Variants in GSK3B observed in about 807,000 individuals in gnomAD.
GSK3B encodes the protein glycogen synthase kinase 3 beta.
A neutral mutation model predicts 56.4 loss-of-function variants in GSK3B; 15 were observed. That is an observed-to-expected ratio of 0.27 (90% CI 0.18 to 0.41). The LOEUF is 0.41. Among genes scored for constraint, GSK3B ranks in the 10% least tolerant of loss-of-function variants. The pLI is 1.00. For synonymous variants in GSK3B, 181 were observed against 188.9 expected, an observed-to-expected ratio of 0.96 and a Z score of 0.34; for missense variants, 300 against 513.4, an observed-to-expected ratio of 0.58 and a Z score of 4.02.
In GSK3B at chr3:120,040,278, G is replaced by A. The variant is rs547484361; in HGVS notation, c.89-38039C>T. Among the ~76,000 whole-genome samples, 11 of 152,326 alleles carry A rather than the reference G, an allele frequency of 7.2e-5. No individual in the cohort carries two copies. The South Asian group carries it at 2.1e-3, about 29-fold the overall frequency. ...GTGAGTGGGTCCTATCGGCAGTTCC[G>A]TGGTCACCTCATACAGCTTAGGGCG... On this transcript the variant is annotated intron_variant, in intron 1 of 10. Transcript: ENST00000264235.
intron 1 of GSK3B, among the ~76,000 whole-genome samples, chr3:120,025,376 T>C (rs1044892014): frequency 1.3e-4 from 19 of 151,708 alleles, no homozygotes; most frequent in African/African-American, 4.6e-4. Flanking sequence ...ACATCAGAGA[T>C]CTAATAAACT....
At position 119,931,399 on chromosome 3, in the gene GSK3B, T is replaced by G. The variant is rs548828700; in HGVS notation, c.367-7916A>C. ...GGGAGGCCGAAGTGGGTGGATCTCT[T>G]GAGCCCGGAAGTTTAACACCAGCCT... On this transcript the variant is annotated intron_variant, in intron 3 of 10. Coordinates refer to ENST00000264235, the MANE Select transcript of GSK3B (RefSeq NM_001146156.2). 7.8e-4 allele frequency among the ~76,000 whole-genome samples: 119 copies of G among 152,280 alleles called. 1 individual carries two copies. Among genetic ancestry groups the G allele is most frequent in the Middle Eastern group, 3.4e-3 (1 of 294 alleles).
chr3:119,993,694 T>C (rs895194633), intron 2 of GSK3B, among the ~76,000 whole-genome samples: 10 of 152,090 alleles, frequency 6.6e-5, no homozygotes, highest in Admixed American at 6.5e-4. Context: ...AATATAGAAA[T>C]AAAGAAGGCT....
chr3:120,092,830 G>C (rs1413368438), intron 1 of GSK3B, among the ~76,000 whole-genome samples: 1 of 152,128 alleles, frequency 6.6e-6, no homozygotes, highest in Non-Finnish European at 1.5e-5. Flanking sequence ...CAAATATTAT[G>C]TGTAGTCATA....
In GSK3B at chr3:119,821,809, T is replaced by C. The variant is rs1252924230; in HGVS notation, c.*4979A>G. ...TCATTGGAAAGAACAAGAAGTGGTA[T>C]TGATATCTTGTTCTGTATAACAAAG... is the stretch of plus-strand genomic sequence containing the variant. On this transcript the variant is annotated 3_prime_UTR_variant, in exon 11 of 11. Transcript: ENST00000264235. 3.0e-5 allele frequency: 5 copies of C among 166,152 alleles called. No individual in the cohort carries two copies. Among genetic ancestry groups the C allele is most frequent in the Admixed American group, 1.9e-4 (3 of 15,618 alleles). The allele number at this position is 166,152 out of a possible 1,614,324, so 10.3% of individuals were successfully genotyped here.
intron 1 of GSK3B, among the ~76,000 whole-genome samples, chr3:120,055,443 T>C (rs1338021796): frequency 6.6e-6 from 1 of 152,178 alleles, no homozygotes; most frequent in Non-Finnish European, 1.5e-5. Context: ...CGACAAAATA[T>C]TCTTTTTTGG....
intron 6 of GSK3B, among the ~76,000 whole-genome samples, chr3:119,911,610 T>G (rs914770992): frequency 7.9e-5 from 12 of 152,204 alleles, no homozygotes; most frequent in African/African-American, 2.7e-4. Flanking sequence ...AGAAGGCTAT[T>G]TGGTCTCCAT....
intron 1 of GSK3B, among the ~76,000 whole-genome samples, chr3:120,043,131 A>T (rs2058076544): frequency 6.6e-6 from 1 of 152,164 alleles, no homozygotes. Context: ...TCACGTCCTC[A>T]TCAAGGAGGA....
chr3:120,081,026 T>C (rs1313155465), intron 1 of GSK3B, among the ~76,000 whole-genome samples: 1 of 152,112 alleles, frequency 6.6e-6, no homozygotes, highest in Admixed American at 6.6e-5. Context: ...TCTTCAGTCC[T>C]TACCCACTCC....
At chr3:119,832,601 A>G (rs2055620633) in intron 10 of GSK3B, among the ~76,000 whole-genome samples, 1 of 152,250 alleles carries the variant, frequency 6.6e-6, no homozygotes, top group South Asian at 2.1e-4. Context: ...GTGTGCTTCT[A>G]AGAAACTGTA....
At chr3:120,011,871 T>C (rs2057781341) in intron 1 of GSK3B, among the ~76,000 whole-genome samples, 1 of 152,324 alleles carries the variant, frequency 6.6e-6, no homozygotes, top group South Asian at 2.1e-4. Context: ...AATAGATTAA[T>C]TTATCATAAA....
intron 1 of GSK3B, among the ~76,000 whole-genome samples, chr3:120,009,907 C>T (rs933464291): frequency 6.6e-6 from 1 of 152,024 alleles, no homozygotes; most frequent in Non-Finnish European, 1.5e-5. Flanking sequence ...CATAAGATAG[C>T]CAGGTGAAAT....
At chr3:119,930,079 CT>C (rs1438450742) in intron 3 of GSK3B, among the ~76,000 whole-genome samples, 2 of 57,596 alleles carry the variant, frequency 3.5e-5, no homozygotes, top group African/African-American at 1.4e-4. Context: ...ATTCTGTCTC[CT>C]ACACACACAC....
intron 8 of GSK3B, among the ~76,000 whole-genome samples, chr3:119,871,533 G>A (rs558408765): frequency 5.6e-4 from 86 of 152,214 alleles, no homozygotes; most frequent in African/African-American, 1.6e-3. Context: ...TAATTTGGTA[G>A]GTACTATAGG....
At chr3:119,956,276 G>A (rs1403364164) in intron 2 of GSK3B, among the ~76,000 whole-genome samples, 1 of 152,174 alleles carries the variant, frequency 6.6e-6, no homozygotes, top group East Asian at 1.9e-4. Context: ...GGACACTGAA[G>A]CAGATGAAAA....
intron 2 of GSK3B, among the ~76,000 whole-genome samples, chr3:119,987,201 T>C (rs1304506876): frequency 2.0e-5 from 3 of 152,084 alleles, no homozygotes; most frequent in Non-Finnish European, 4.4e-5. Context: ...CGGGGAGGGA[T>C]AGCATTAGGA....
At chr3:120,055,190 G>A (rs2058182692) in intron 1 of GSK3B, among the ~76,000 whole-genome samples, 1 of 152,070 alleles carries the variant, frequency 6.6e-6, no homozygotes, top group South Asian at 2.1e-4. Flanking sequence ...AAAAAAAAAT[G>A]TGTCTTGTTC....
At chr3:119,978,125 G>A (rs1387642093) in intron 2 of GSK3B, among the ~76,000 whole-genome samples, 1 of 152,066 alleles carries the variant, frequency 6.6e-6, no homozygotes, top group East Asian at 1.9e-4. Context: ...TAAATCCAAA[G>A]GGCATCCCCC....
chr3:119,830,175 A>G (rs2055576603), intron 10 of GSK3B, among the ~76,000 whole-genome samples: 2 of 152,232 alleles, frequency 1.3e-5, no homozygotes, highest in African/African-American at 4.8e-5. Flanking sequence ...CTACAATCCC[A>G]TCATAAAGAT....
Sources: allele counts gnomAD v4.1 joint callset (sites outside exome capture counted in the v4.1 genomes callset), GRCh38; gene constraint gnomAD v4.1.1; transcripts MANE v1.5; gene names NCBI Gene and HGNC (gene_info 2026-07-23, HGNC 2026-07-21).